Variants in CHD1L observed in about 807,000 individuals in gnomAD.
CHD1L encodes ATP-dependent chromatin remodeler CHD1L.
CHD1L carries 118 observed loss-of-function variants against 115.9 expected under a neutral mutation model. The observed-to-expected ratio is 1.02, with a 90% CI of 0.88 to 1.19. The LOEUF (loss-of-function observed/expected upper bound fraction) is 1.19, where lower values mean the gene tolerates loss of function less well. Ranked by LOEUF, CHD1L falls within the 50% of genes most tolerant of loss-of-function variation. The probability of loss-of-function intolerance (pLI) is 0.00; values close to 1 mark genes in which losing one functional copy is unlikely to be tolerated. For missense variants in CHD1L, 1,179 were observed against 1,065.3 expected (o/e 1.11, Z -1.49); for synonymous variants, 411 against 387.1 (o/e 1.06, Z -0.72).
rs587677399 is a variant in CHD1L at position 147,250,938 on chromosome 1, G to A, written c.128-1685G>A. ...GTCAGTTCCCCCATATTATTCTCAT[G>A]GTAGTGAATAAATCTCACAAGATCT... On this transcript the variant is annotated intron_variant, in intron 1 of 22. Coordinates refer to ENST00000369258, the MANE Select transcript of CHD1L (RefSeq NM_004284.6). Among the ~76,000 whole-genome samples, 11 of 152,194 alleles carry A rather than the reference G, an allele frequency of 7.2e-5. No homozygotes were observed. In the South Asian group the frequency reaches 1.0e-3, roughly 14 times the overall value.
intron 15 of CHD1L, among the ~76,000 whole-genome samples, chr1:147,281,735 A>G (rs1453253348): frequency 2.0e-5 from 3 of 152,026 alleles, no homozygotes; most frequent in Admixed American, 2.0e-4. Flanking sequence ...AGAATATTAC[A>G]TCTTTTTAAA....
the CHD1L span, among the ~76,000 whole-genome samples, chr1:147,202,911 C>G: frequency 6.6e-6 from 1 of 152,126 alleles, no homozygotes; most frequent in East Asian, 1.9e-4. Context: ...TTAACATCCC[C>G]AAGATAGTTT....
At position 147,285,311 on chromosome 1, in the gene CHD1L, G is replaced by A. The variant is rs781885793; in HGVS notation, c.1855-13G>A. The A allele has an allele frequency of 1.2e-5, 20 of 1,605,948 alleles. No homozygotes were observed. The highest frequency in any genetic ancestry group is 4.0e-5 in the African/African-American group (3 of 74,194). On this transcript the variant is annotated splice_polypyrimidine_tract_variant and intron_variant, in intron 16 of 22. Coordinates refer to ENST00000369258, the MANE Select transcript of CHD1L (RefSeq NM_004284.6). The stretch of plus-strand genomic sequence containing the variant: ...CTTCTTGACCCTGGTGATGGATCTT[G>A]TTCTTCCTCTAGGTTCTCATCCCAG...
chr1:147,231,538 C>G, the CHD1L span, among the ~76,000 whole-genome samples: 1 of 152,158 alleles, frequency 6.6e-6, no homozygotes, highest in Non-Finnish European at 1.5e-5. Context: ...TGGTGCAGAG[C>G]TGAGTTCAAT....
intron 12 of CHD1L, 49 bp from the exon 13 acceptor site, chr1:147,275,305 C>T (rs1677922235): frequency 1.5e-6 from 2 of 1,377,560 alleles, no homozygotes; most frequent in African/African-American, 1.4e-5. Context: ...TATTTTCTAG[C>T]TCCTCGTCTT....
intron 20 of CHD1L, among the ~76,000 whole-genome samples, chr1:147,292,819 T>C (rs1176116496): frequency 6.6e-6 from 1 of 152,092 alleles, no homozygotes; most frequent in Non-Finnish European, 1.5e-5. Context: ...CATTAAGCCA[T>C]CCATGAGGGA....
the CHD1L span, chr1:147,178,273 G>A: frequency 6.2e-7 from 1 of 1,613,576 alleles, no homozygotes; most frequent in South Asian, 1.1e-5. Context: ...CGAGTTCTTC[G>A]CCCCCTGGTG....
At chr1:147,231,903 CTTCAG>C in the CHD1L span, among the ~76,000 whole-genome samples, 1 of 152,218 alleles carries the variant, frequency 6.6e-6, no homozygotes, top group Non-Finnish European at 1.5e-5. Flanking sequence ...CCTCGCCCTG[CTTCAG>C]TTCATGGTCA....
At chr1:147,265,870 A>C in intron 7 of CHD1L, 62 bp from the exon 8 acceptor site, 1 of 1,468,274 alleles carries the variant, frequency 6.8e-7, no homozygotes, top group Non-Finnish European at 9.2e-7. Context: ...TAAGTTCTCT[A>C]GGGTTCATTG....
At position 147,291,486 on chromosome 1, in the gene CHD1L, G is replaced by C. The variant is rs782635089; in HGVS notation, c.2325G>C (p.Leu775=). 29 of 1,613,708 alleles carry C rather than the reference G, an allele frequency of 1.8e-5. No homozygotes were observed. The South Asian group carries it at 2.9e-4, about 16-fold the overall frequency. The change falls in exon 20 of 23, where the codon CTG becomes CTC. Residue 775 remains leucine (L), a synonymous_variant. Coordinates refer to ENST00000369258, the MANE Select transcript of CHD1L (RefSeq NM_004284.6). ...IYELAGKMKD[L]SLGGVLLFPV... ...CTCCTTTCTGTTTTACCTCAGACCT[G>C]AGTTTGGGAGGTGTCCTTTTATTTC...
At chr1:147,178,117 T>A in the CHD1L span, 1 of 1,585,338 alleles carries the variant, frequency 6.3e-7, no homozygotes, top group Middle Eastern at 1.7e-4. Flanking sequence ...CGCCGCCATG[T>A]GCCTCCGCCG....
At chr1:147,178,226 G>T in the CHD1L span, 1 of 1,613,554 alleles carries the variant, frequency 6.2e-7, no homozygotes, top group South Asian at 1.1e-5. Flanking sequence ...TTGGAGAGTC[G>T]CATCTCCGAC....
the CHD1L span, chr1:147,204,930 C>A: frequency 4.5e-6 from 7 of 1,554,716 alleles, no homozygotes; most frequent in South Asian, 7.8e-5. Flanking sequence ...CTTGAAGCGC[C>A]ATGGCCAGCC....
At chr1:147,213,241 C>T in the CHD1L span, 5 of 1,284,748 alleles carry the variant, frequency 3.9e-6, no homozygotes, top group Non-Finnish European at 4.2e-6. Context: ...GACCACAATC[C>T]TCCCATTCCT....
intron 4 of CHD1L, 44 bp from the exon 5 acceptor site, chr1:147,256,486 GT>G: frequency 6.4e-7 from 1 of 1,556,470 alleles, no homozygotes; most frequent in Non-Finnish European, 8.9e-7. Context: ...CAATATCAGA[GT>G]TTATCAATGC....
chr1:147,275,889 C>T (rs1276032006), intron 13 of CHD1L, among the ~76,000 whole-genome samples: 1 of 152,080 alleles, frequency 6.6e-6, no homozygotes, highest in East Asian at 1.9e-4. Context: ...ATGGTTACCC[C>T]ATCATTCTTT....
chr1:147,219,898 G>A, the CHD1L span, among the ~76,000 whole-genome samples: 1 of 149,150 alleles, frequency 6.7e-6, no homozygotes, highest in East Asian at 2.0e-4. Context: ...GAGTGCAGTG[G>A]CACAATCTCG....
rs1294338469 is a variant in CHD1L at position 147,293,666 on chromosome 1, T to C, written c.2450T>C (p.Met817Thr). Reference sequence around the variant, plus strand: ...TCCAATGTCCTGTCTGGCATTAAGATGGCAGCCCTAGAAGAGGGCCTGAAG... The same window carrying C: ...TCCAATGTCCTGTCTGGCATTAAGACGGCAGCCCTAGAAGAGGGCCTGAAG... ...DRSNVLSGIK[M>T]AALEEGLKKI... Residue 817 changes from methionine to threonine, a missense_variant, in exon 21 of 23, where the codon ATG becomes ACG. By Grantham distance (81) the Met-to-Thr change is moderately conservative. Coordinates refer to ENST00000369258, the MANE Select transcript of CHD1L (RefSeq NM_004284.6). 6.2e-7 allele frequency: 1 copy of C among 1,614,148 alleles called. No homozygotes were observed. The highest frequency in any genetic ancestry group is 8.5e-7 in the Non-Finnish European group (1 of 1,180,010).
At chr1:147,210,536 T>G in the CHD1L span, 1 of 152,156 alleles carries the variant, frequency 6.6e-6, no homozygotes, top group African/African-American at 2.4e-5. Flanking sequence ...CTCTGATAAT[T>G]ATGTACTTCC....
Sources: gnomAD v4.1 joint callset for allele counts (sites outside exome capture counted in the v4.1 genomes callset) on GRCh38, gnomAD v4.1.1 for gene constraint, MANE v1.5 for transcripts, NCBI Gene and HGNC (gene_info 2026-07-23, HGNC 2026-07-21) for gene names.